Variants in RBFOX1 observed in about 807,000 individuals in gnomAD.
The protein encoded by RBFOX1 is RNA binding fox-1 homolog 1.
In RBFOX1, 8 loss-of-function variants were observed where a neutral mutation model predicts 57.7. That is an observed-to-expected ratio of 0.14 (90% CI 0.08 to 0.25). RBFOX1 has a LOEUF of 0.25. RBFOX1 is among the 10% of genes least tolerant of loss of function. The probability of loss-of-function intolerance (pLI) is 1.00; values close to 1 mark genes in which losing one functional copy is unlikely to be tolerated. For missense variants in RBFOX1, 611 were observed against 548.5 expected (o/e 1.11, Z -1.14); for synonymous variants, 326 against 222.4 (o/e 1.47, Z -4.15).
intron 1 of RBFOX1, among the ~76,000 whole-genome samples, chr16:6,296,084 G>A (rs2078066517): frequency 6.6e-6 from 1 of 152,202 alleles, no homozygotes; most frequent in East Asian, 1.9e-4. Flanking sequence ...CGTACAAGCA[G>A]TTGTTCTTCT....
chr16:6,041,393 G>C (rs1039187232), intron 1 of RBFOX1, among the ~76,000 whole-genome samples: 2 of 152,184 alleles, frequency 1.3e-5, no homozygotes, highest in Non-Finnish European at 2.9e-5. Context: ...AACAACCATA[G>C]TTAAGATGAC....
At chr16:6,951,542 G>C (rs1252987966) in intron 3 of RBFOX1, among the ~76,000 whole-genome samples, 3 of 152,040 alleles carry the variant, frequency 2.0e-5, no homozygotes, top group Non-Finnish European at 4.4e-5. Context: ...AGTAGGAGCA[G>C]GAATATTGGG....
intron 3 of RBFOX1, among the ~76,000 whole-genome samples, chr16:6,701,157 G>T (rs2061784770): frequency 6.6e-6 from 1 of 151,894 alleles, no homozygotes; most frequent in South Asian, 2.1e-4. Flanking sequence ...GTGTGTGTGT[G>T]TTTGTCTTGG....
chr16:5,807,683 G>T (rs1482752944), intron 3 of RBFOX1, among the ~76,000 whole-genome samples: 2 of 152,216 alleles, frequency 1.3e-5, no homozygotes, highest in African/African-American at 4.8e-5. Flanking sequence ...TTCTGAGAGA[G>T]AGGGAGTGTG....
intron 3 of RBFOX1, among the ~76,000 whole-genome samples, chr16:6,885,020 A>G (rs1302158386): frequency 6.6e-6 from 1 of 152,224 alleles, no homozygotes; most frequent in Non-Finnish European, 1.5e-5. Flanking sequence ...AATTACTGTC[A>G]TGTTTTAGAA....
intron 2 of RBFOX1, among the ~76,000 whole-genome samples, chr16:6,441,581 T>A (rs1274384670): frequency 6.6e-6 from 1 of 152,044 alleles, no homozygotes; most frequent in African/African-American, 2.4e-5. Context: ...CGTGCCCAGC[T>A]AATCTTTTGT....
At chr16:6,525,406 G>C (rs1270137542) in intron 2 of RBFOX1, among the ~76,000 whole-genome samples, 2 of 152,158 alleles carry the variant, frequency 1.3e-5, no homozygotes, top group African/African-American at 4.8e-5. Flanking sequence ...AGCATTGGTA[G>C]GACCCTGGAG....
intron 4 of RBFOX1, among the ~76,000 whole-genome samples, chr16:5,997,194 A>G (rs771612414): frequency 6.6e-6 from 1 of 152,224 alleles, no homozygotes; most frequent in Non-Finnish European, 1.5e-5. Flanking sequence ...CAAACCTACC[A>G]GGAAGCCCAT....
intron 2 of RBFOX1, among the ~76,000 whole-genome samples, chr16:5,564,186 A>ATT (rs879803744): frequency 7.5e-5 from 11 of 145,948 alleles, no homozygotes; most frequent in Non-Finnish European, 1.2e-4. Context: ...TAATTTTTGT[A>ATT]TTTTTTTTTT....
At chr16:5,256,617 G>C (rs2062596308) in intron 1 of RBFOX1, among the ~76,000 whole-genome samples, 1 of 152,058 alleles carries the variant, frequency 6.6e-6, no homozygotes, top group Non-Finnish European at 1.5e-5. Flanking sequence ...AATCATACTG[G>C]ACCTCGAAGC....
intron 2 of RBFOX1, among the ~76,000 whole-genome samples, chr16:5,565,105 T>C (rs529160581): frequency 8.8e-4 from 134 of 152,002 alleles, no homozygotes; most frequent in Admixed American, 1.4e-3. Context: ...ACACGTGGGG[T>C]TTGTTACCAT....
chr16:5,925,198 G>C (rs2058916221), intron 4 of RBFOX1, among the ~76,000 whole-genome samples: 1 of 152,106 alleles, frequency 6.6e-6, no homozygotes, highest in South Asian at 2.1e-4. Flanking sequence ...AGTCCCTACT[G>C]CCTGTATACA....
intron 4 of RBFOX1, among the ~76,000 whole-genome samples, chr16:5,977,972 A>G (rs1271905696): frequency 6.6e-6 from 1 of 151,426 alleles, no homozygotes; most frequent in Non-Finnish European, 1.5e-5. Context: ...TTCAATTCCC[A>G]CTTTGTGTGT....
intron 2 of RBFOX1, among the ~76,000 whole-genome samples, chr16:6,523,698 G>A (rs76836696): frequency 2.3e-3 from 350 of 152,130 alleles, no homozygotes; most frequent in African/African-American, 8.0e-3. Flanking sequence ...ATCTGTTAAA[G>A]AACTTCAAAA....
At chr16:7,052,249 A>G (rs146168211) in intron 4 of RBFOX1, among the ~76,000 whole-genome samples, 151 bp downstream of exon 4, 2,030 of 152,320 alleles carry the variant, frequency 0.013, 15 homozygotes, top group Middle Eastern at 0.027. Context: ...CTTATTTAGT[A>G]TTGATTGAGC....
At chr16:7,710,191 G>A in intron 15 of RBFOX1, 1 of 1,027,756 alleles carries the variant, frequency 9.7e-7, no homozygotes, top group African/African-American at 1.7e-5. Context: ...TAAGTAAGAA[G>A]TAGGTTGAGA....
chr16:7,576,703 A>G (rs924743076), intron 5 of RBFOX1, among the ~76,000 whole-genome samples: 1 of 152,222 alleles, frequency 6.6e-6, no homozygotes, highest in Admixed American at 6.5e-5. Context: ...TAATGCTATT[A>G]ATCATTTAAT....
chr16:6,792,616 C>T (rs949502017), intron 3 of RBFOX1, among the ~76,000 whole-genome samples: 2 of 152,186 alleles, frequency 1.3e-5, no homozygotes, highest in Admixed American at 6.5e-5. Flanking sequence ...TGCAAAAAGC[C>T]TTCATGTAAC....
chr16:7,180,266 T>G (rs559314220), intron 4 of RBFOX1, among the ~76,000 whole-genome samples: 1 of 152,304 alleles, frequency 6.6e-6, no homozygotes, highest in South Asian at 2.1e-4. Flanking sequence ...TAACTCTTTA[T>G]GTCCTTATGT....
Sources: allele counts gnomAD v4.1 joint callset (sites outside exome capture counted in the v4.1 genomes callset), GRCh38; gene constraint gnomAD v4.1.1; transcripts MANE v1.5; gene names NCBI Gene and HGNC (gene_info 2026-07-23, HGNC 2026-07-21).